Variants in RBM27 observed in about 807,000 individuals in gnomAD.
The protein encoded by RBM27 is RNA binding motif protein 27.
Under a neutral mutation model 135.3 loss-of-function variants are expected in RBM27, and 22 were observed. The observed-to-expected ratio is 0.16, with a 90% CI of 0.12 to 0.23. The LOEUF is 0.23. Among genes scored for constraint, RBM27 ranks in the 10% least tolerant of loss-of-function variants. RBM27 has a pLI of 1.00. For synonymous variants in RBM27, 481 were observed against 442.4 expected, an observed-to-expected ratio of 1.09 and a Z score of -1.10; for missense variants, 1,009 against 1,281.0, an observed-to-expected ratio of 0.79 and a Z score of 3.24.
chr5:146,275,167 A>G lies in RBM27; in HGVS notation c.2988+3493A>G, dbSNP rs2963933. Among the ~76,000 whole-genome samples the G allele has an allele frequency of 4.0e-5, 6 of 151,572 alleles. No homozygotes were observed. In the South Asian group the frequency reaches 8.3e-4, roughly 21 times the overall value. On this transcript the variant is annotated intron_variant, in intron 19 of 20. Coordinates refer to ENST00000265271, the MANE Select transcript of RBM27 (RefSeq NM_018989.2). ...TGTTATTATGTTACTTTATATATCA[A>G]ATATTTAAGTTAAACATAATTGAAA...
At chr5:146,248,891 C>T (rs1296682467) in intron 8 of RBM27, among the ~76,000 whole-genome samples, 1 of 152,204 alleles carries the variant, frequency 6.6e-6, no homozygotes, top group Non-Finnish European at 1.5e-5. Context: ...ATACTTAGTA[C>T]ATCAAGTGAT....
chr5:146,261,726 C>A lies in RBM27; in HGVS notation c.2110C>A (p.His704Asn). The change falls in exon 13 of 21, where the codon CAC becomes AAC. Residue 704 changes from histidine (H) to asparagine (N), a missense_variant. Physicochemically the swap from His to Asn is moderately conservative, Grantham distance 68 (BLOSUM62 1). Around this residue, in one of 6 missense-constraint regions of RBM27, gnomAD observed 355 missense variants for 427.3 expected, o/e 0.83. Coordinates refer to ENST00000265271, the MANE Select transcript of RBM27 (RefSeq NM_018989.2). ...TAGTCACCTCTCACAGCAGCACCAT[C>A]ACCTGCCACAGCATCTACATCAGCA... ...TLSHLSQQHH[H>N]LPQHLHQQQV... 6.2e-7 allele frequency: 1 copy of A among 1,614,242 alleles called. No individual in the cohort carries two copies. The highest frequency in any genetic ancestry group is 1.1e-5 in the South Asian group (1 of 91,086).
intron 19 of RBM27, among the ~76,000 whole-genome samples, chr5:146,277,618 G>A (rs900482072): frequency 1.3e-5 from 2 of 150,746 alleles, no homozygotes; most frequent in African/African-American, 4.9e-5. Flanking sequence ...CACCTCCTGG[G>A]TTCATGCCAT....
intron 7 of RBM27, among the ~76,000 whole-genome samples, chr5:146,236,822 C>G (rs1757180074): frequency 6.6e-6 from 1 of 151,852 alleles, no homozygotes; most frequent in Non-Finnish European, 1.5e-5. Context: ...TGGGGTTTCA[C>G]CACGTTGGCC....
chr5:146,257,106 G>A (rs771624392), intron 10 of RBM27, among the ~76,000 whole-genome samples: 6 of 152,156 alleles, frequency 3.9e-5, no homozygotes, highest in Non-Finnish European at 5.9e-5. Context: ...TAGTTGCTGA[G>A]CTGTAAAATA....
chr5:146,233,894 C>CT, intron 7 of RBM27, 151 bp downstream of exon 7: 1 of 546,988 alleles, frequency 1.8e-6, no homozygotes, highest in Non-Finnish European at 2.9e-6. Flanking sequence ...CTATTCTTTT[C>CT]TTTTTTTCAT....
intron 8 of RBM27, among the ~76,000 whole-genome samples, chr5:146,244,798 C>G (rs554629894): frequency 8.5e-5 from 13 of 152,098 alleles, no homozygotes; most frequent in Non-Finnish European, 1.5e-4. Flanking sequence ...AACCTTAGTC[C>G]CCCAAAGTGC....
intron 19 of RBM27, among the ~76,000 whole-genome samples, chr5:146,283,406 G>A (rs903329009): frequency 6.6e-6 from 1 of 152,104 alleles, no homozygotes; most frequent in African/African-American, 2.4e-5. Flanking sequence ...GTGAGGTGGT[G>A]CATGCCTGTG....
At chr5:146,223,712 T>C (rs1295423712) in intron 3 of RBM27, among the ~76,000 whole-genome samples, 185 bp downstream of exon 3, 5 of 152,212 alleles carry the variant, frequency 3.3e-5, no homozygotes, top group Non-Finnish European at 1.5e-5. Context: ...AAGTTTCAGA[T>C]AGCTTGTTTA....
At chr5:146,203,906 G>A in intron 1 of RBM27, 82 bp downstream of exon 1, 1 of 1,273,076 alleles carries the variant, frequency 7.9e-7, no homozygotes, top group Admixed American at 2.4e-5. Context: ...AGGTGGCGTG[G>A]GGGGCGGCGC....
chr5:146,237,535 A>G (rs1184793688), intron 8 of RBM27, 103 bp downstream of exon 8: 1 of 1,283,890 alleles, frequency 7.8e-7, no homozygotes. Flanking sequence ...TTCTGTTCTT[A>G]TGGATTCTAA....
In RBM27 at chr5:146,241,937, T is replaced by G. The variant is rs898553696; in HGVS notation, c.1279+4505T>G. ...ATAATCTCAGAATAAAAGATAATCT[T>G]TTTAAAAATTTATTTAAAAGTTTTA... On this transcript the variant is annotated intron_variant, in intron 8 of 20. Transcript: ENST00000265271. 2.0e-5 allele frequency among the ~76,000 whole-genome samples: 3 copies of G among 152,100 alleles called. No individual in the cohort carries two copies. In the South Asian group the frequency reaches 6.2e-4, roughly 32 times the overall value.
chr5:146,229,135 C>G (rs1756814192), intron 4 of RBM27, 98 bp downstream of exon 4: 12 of 829,674 alleles, frequency 1.4e-5, no homozygotes, highest in South Asian at 1.3e-4. Context: ...ACTTACTCCT[C>G]TCTCTGTAAA....
intron 19 of RBM27, among the ~76,000 whole-genome samples, chr5:146,272,236 G>A (rs1279356413): frequency 6.6e-6 from 1 of 152,160 alleles, no homozygotes; most frequent in Admixed American, 6.5e-5. Flanking sequence ...CTGTATAAAT[G>A]TGAAATACAT....
intron 1 of RBM27, 32 bp from the exon 2 acceptor site, chr5:146,218,953 T>C: frequency 6.9e-7 from 1 of 1,441,356 alleles, no homozygotes; most frequent in Non-Finnish European, 9.5e-7. Flanking sequence ...AAAGTGTTTT[T>C]TAAAATTTTT....
chr5:146,270,374 A>G (rs1758809067), intron 17 of RBM27, among the ~76,000 whole-genome samples: 1 of 152,196 alleles, frequency 6.6e-6, no homozygotes, highest in Non-Finnish European at 1.5e-5. Flanking sequence ...CTATCAGTAT[A>G]GAAACATAAA....
chr5:146,274,974 G>T (rs2126896006), intron 19 of RBM27, among the ~76,000 whole-genome samples: 1 of 151,106 alleles, frequency 6.6e-6, no homozygotes, highest in East Asian at 1.9e-4. Context: ...TTCCTTTCTA[G>T]TTCTTTTTCT....
intron 8 of RBM27, among the ~76,000 whole-genome samples, chr5:146,239,007 A>G (rs1757288657): frequency 6.6e-6 from 1 of 152,176 alleles, no homozygotes; most frequent in South Asian, 2.1e-4. Context: ...TCATTATTAT[A>G]TTATTGTAGT....
intron 6 of RBM27, among the ~76,000 whole-genome samples, chr5:146,232,653 C>G (rs1340154332): frequency 6.6e-6 from 1 of 152,106 alleles, no homozygotes; most frequent in African/African-American, 2.4e-5. Context: ...ACTGCAACCT[C>G]TGCCTCCTGG....
Sources: gnomAD v4.1 joint callset for allele counts (sites outside exome capture counted in the v4.1 genomes callset) on GRCh38, gnomAD v4.1.1 for gene constraint, gnomAD v4.1.1 regional missense constraint, MANE v1.5 for transcripts, NCBI Gene and HGNC (gene_info 2026-07-23, HGNC 2026-07-21) for gene names.